FRY: variants seen among roughly 807,000 people sequenced by gnomAD.
FRY encodes the protein protein furry homolog.
In FRY, 128 loss-of-function variants were observed where a neutral mutation model predicts 348.4. That is an observed-to-expected ratio of 0.37 (90% CI 0.32 to 0.43). The LOEUF (loss-of-function observed/expected upper bound fraction) is 0.43. FRY is among the 20% of genes least tolerant of loss of function. FRY has a pLI of 1.00. For synonymous variants in FRY, 1,370 were observed against 1,374.7 expected (o/e 1.00, Z 0.08); for missense variants, 2,736 against 3,695.2 (o/e 0.74, Z 6.73).
chr13:32,058,868 A>G (rs1054074461), intron 1 of FRY, among the ~76,000 whole-genome samples: 3 of 152,238 alleles, frequency 2.0e-5, no homozygotes, highest in African/African-American at 7.2e-5. Context: ...AGAAGTCTCA[A>G]TCATATTAAG....
intron 4 of FRY, among the ~76,000 whole-genome samples, 178 bp downstream of exon 4, chr13:32,117,651 C>T (rs755811563): frequency 2.0e-5 from 3 of 152,140 alleles, no homozygotes; most frequent in Non-Finnish European, 4.4e-5. Context: ...CGAGTCACTG[C>T]CAGCCGTCAC....
In FRY at chr13:32,261,420, A is replaced by G. The variant is rs1002806833; in HGVS notation, c.7417-196A>G. 1.2e-4 allele frequency: 89 copies of G among 759,762 alleles called. 2 individuals carry two copies. Among genetic ancestry groups the G allele is most frequent in the South Asian group, 1.2e-3 (86 of 73,476 alleles). The allele number at this position is 759,762 out of a possible 1,614,324, so 47.1% of individuals were successfully genotyped here. A position where few individuals can be genotyped will look rare whatever the true frequency, so the allele number is the denominator to read the frequency against. On this transcript the variant is annotated intron_variant, in intron 51 of 60. Coordinates refer to ENST00000542859, the MANE Select transcript of FRY (RefSeq NM_023037.3). ...TGTAATCATTTCTGCCTATGACTTCACATGAGTTTACATGAAAATAGTGTG... is the reference window on the plus strand; with the variant it reads ...TGTAATCATTTCTGCCTATGACTTCGCATGAGTTTACATGAAAATAGTGTG...
intron 14 of FRY, among the ~76,000 whole-genome samples, chr13:32,155,212 A>T (rs1881038933): frequency 6.6e-6 from 1 of 152,156 alleles, no homozygotes; most frequent in Non-Finnish European, 1.5e-5. Flanking sequence ...TTAGAGATAC[A>T]CTCAGCATTC....
At chr13:32,137,605 A>T (rs1879802451) in intron 11 of FRY, among the ~76,000 whole-genome samples, 1 of 152,250 alleles carries the variant, frequency 6.6e-6, no homozygotes, top group Non-Finnish European at 1.5e-5. Flanking sequence ...TGGACTTTAT[A>T]ACTTAAAAGT....
chr13:32,279,765 G>A (rs1888722284), intron 58 of FRY, among the ~76,000 whole-genome samples: 1 of 152,222 alleles, frequency 6.6e-6, no homozygotes, highest in South Asian at 2.1e-4. Flanking sequence ...TCTGGTTTCT[G>A]GTCAGAGGTT....
intron 1 of FRY, among the ~76,000 whole-genome samples, chr13:32,035,444 A>C (rs573291123): frequency 6.6e-6 from 1 of 152,336 alleles, no homozygotes; most frequent in Admixed American, 6.5e-5. Context: ...TAGTGGCAGA[A>C]AGTCACTTTG....
At chr13:32,123,991 T>G (rs1878861849) in intron 4 of FRY, among the ~76,000 whole-genome samples, 1 of 152,082 alleles carries the variant, frequency 6.6e-6, no homozygotes, top group African/African-American at 2.4e-5. Flanking sequence ...TGGGCTACCA[T>G]GCCACCTGGC....
intron 2 of FRY, among the ~76,000 whole-genome samples, chr13:32,100,344 G>T (rs1363249381): frequency 6.6e-6 from 1 of 151,922 alleles, no homozygotes; most frequent in Admixed American, 6.6e-5. Flanking sequence ...CTCCCAAAGT[G>T]CTGGGATTAC....
intron 2 of FRY, among the ~76,000 whole-genome samples, chr13:32,083,860 G>A (rs1156511398): frequency 1.3e-5 from 2 of 151,810 alleles, no homozygotes; most frequent in African/African-American, 2.4e-5. Flanking sequence ...TATTTTCTAT[G>A]TCCCACCTCT....
intron 1 of FRY, among the ~76,000 whole-genome samples, chr13:32,058,143 TTTTA>T (rs1873745011): frequency 1.3e-5 from 2 of 152,202 alleles, no homozygotes; most frequent in Non-Finnish European, 2.9e-5. Context: ...ATCCAGTTTA[TTTTA>T]TTTATTAAAT....
chr13:32,196,067 C>CA (rs1233316028), intron 29 of FRY, among the ~76,000 whole-genome samples: 1 of 152,180 alleles, frequency 6.6e-6, no homozygotes, highest in Non-Finnish European at 1.5e-5. Flanking sequence ...TACTTTTTTA[C>CA]AAAACCAATT....
chr13:32,237,711 C>T lies in FRY; in HGVS notation c.6143C>T (p.Thr2048Ile). Residue 2048 changes from threonine (T) to isoleucine (I), a missense_variant, in exon 44 of 61, where the codon ACA (threonine) becomes ATA (isoleucine). Physicochemically the swap from Thr to Ile is moderately conservative, Grantham distance 89. This residue lies in a region of FRY where 789 missense variants were observed against 996.2 expected (regional missense o/e 0.79). Coordinates refer to ENST00000542859, the MANE Select transcript of FRY (RefSeq NM_023037.3). The surrounding 1 kb of genome is among the most constrained non-coding windows in gnomAD (Gnocchi z 6.3). ...CTGCTGGCCACCATATTCTGGGTCA[C>T]AGTGGCCTTGATGGAGTCTGATTTT... ...TNLLATIFWVTVALMESDFEF... is the reference protein window; with the variant it reads ...TNLLATIFWVIVALMESDFEF... The T allele has an allele frequency of 6.2e-7, 1 of 1,614,178 alleles. No individual in the cohort carries two copies. Among genetic ancestry groups the T allele is most frequent in the Non-Finnish European group, 8.5e-7 (1 of 1,180,026 alleles).
chr13:32,199,411 C>G (rs376838429), intron 29 of FRY, among the ~76,000 whole-genome samples: 1 of 152,184 alleles, frequency 6.6e-6, no homozygotes, highest in African/African-American at 2.4e-5. Flanking sequence ...AGTGAAAAAG[C>G]AGATCATCAA....
At chr13:32,049,857 A>G (rs986903876) in intron 1 of FRY, among the ~76,000 whole-genome samples, 2 of 152,220 alleles carry the variant, frequency 1.3e-5, no homozygotes, top group African/African-American at 4.8e-5. Context: ...AAAAACATGC[A>G]TGATTATGTA....
At chr13:32,271,070 A>G (rs763661686) in intron 55 of FRY, among the ~76,000 whole-genome samples, 1 of 152,220 alleles carries the variant, frequency 6.6e-6, no homozygotes, top group Non-Finnish European at 1.5e-5. Flanking sequence ...AGCATGAGGA[A>G]GGCAGAAGGG....
intron 54 of FRY, among the ~76,000 whole-genome samples, chr13:32,265,992 A>AGTGGTGGGTGTCT (rs1179635637): frequency 6.6e-6 from 1 of 152,172 alleles, no homozygotes; most frequent in African/African-American, 2.4e-5. Context: ...TATATAGGAA[A>AGTGGTGGGTGTCT]TACCTACTCT....
At chr13:32,234,550 A>G (rs1377994587) in intron 41 of FRY, 24 bp from the exon 42 acceptor site, 6 of 1,609,432 alleles carry the variant, frequency 3.7e-6, no homozygotes, top group Non-Finnish European at 4.3e-6. Context: ...AGACTGACCT[A>G]TTCTGTGGCT....
chr13:32,236,056 G>A, intron 42 of FRY, 22 bp from the exon 43 acceptor site: 1 of 1,515,554 alleles, frequency 6.6e-7, no homozygotes, highest in Non-Finnish European at 9.2e-7. Flanking sequence ...AATACAAAAT[G>A]CTATCTTTGC....
Position 32,276,522 on chromosome 13 carries a change from A to G in FRY, c.8345A>G (p.Tyr2782Cys). The G allele has an allele frequency of 6.2e-7, 1 of 1,605,110 alleles. No homozygotes were observed. Among genetic ancestry groups the G allele is most frequent in the Non-Finnish European group, 8.5e-7 (1 of 1,171,776 alleles). Reference sequence around the variant, plus strand: ...TTCAGTGTGTTAGAACTGCAAGAATATTTGGATACCTACAACAACAGGAAA... The same window carrying G: ...TTCAGTGTGTTAGAACTGCAAGAATGTTTGGATACCTACAACAACAGGAAA... ...LKFSVLELQE[Y>C]LDTYNNRKEA... is the part of the protein sequence containing the mutation. The change falls in exon 57 of 61, where the codon TAT becomes TGT. Residue 2782 changes from tyrosine to cysteine, a missense_variant. This residue lies in a region of FRY where 789 missense variants were observed against 996.2 expected (regional missense o/e 0.79). Transcript: ENST00000542859.
Sources: gnomAD v4.1 joint callset for allele counts (sites outside exome capture counted in the v4.1 genomes callset) on GRCh38, gnomAD v4.1.1 for gene constraint, gnomAD v4.1.1 regional missense constraint, Gnocchi (gnomAD v3.1) non-coding constraint, MANE v1.5 for transcripts, NCBI Gene and HGNC (gene_info 2026-07-23, HGNC 2026-07-21) for gene names.